Variants in LRRC40 observed in about 807,000 individuals in gnomAD.
LRRC40 encodes the protein leucine rich repeat containing 40, also known as leucine-rich repeat-containing protein 40.
Under a neutral mutation model 72.8 loss-of-function variants are expected in LRRC40, and 76 were observed. That is an observed-to-expected ratio of 1.04 (90% CI 0.87 to 1.26). LRRC40 has a LOEUF of 1.26. LRRC40 is among the 50% of genes most tolerant of loss of function. The pLI is 0.00. For missense variants in LRRC40, 684 were observed against 698.9 expected, an observed-to-expected ratio of 0.98 and a Z score of 0.24; for synonymous variants, 243 against 254.2, an observed-to-expected ratio of 0.96 and a Z score of 0.42.
rs1668039841 is a variant in LRRC40 at position 70,173,468 on chromosome 1, T to C, written c.1108A>G (p.Lys370Glu). 1.2e-6 allele frequency: 2 copies of C among 1,600,864 alleles called. No individual in the cohort carries two copies. Among genetic ancestry groups the C allele is most frequent in the Non-Finnish European group, 1.7e-6 (2 of 1,168,740 alleles). The stretch of plus-strand genomic sequence containing the variant: ...ATAAGAGAACATTTTAAAGTACCTT[T>C]GATCTTGCTTCGTAGATATTTTAGG... The part of the protein sequence containing the change: ...EVLKYLRSKI[K>E]DDGPSQSESA... The change falls in exon 9 of 15, where the codon AAA becomes GAA. Residue 370 changes from lysine (K) to glutamate (E), a missense_variant. Coordinates refer to ENST00000370952, the MANE Select transcript of LRRC40 (RefSeq NM_017768.5).
rs778519601 is a variant in LRRC40, at chr1:70,173,642, T to C, written c.1045A>G (p.Ile349Val). ...CTTACACTTATAATTTCTCTTCGAA[T>C]TGTTCTCAAAGGATTTCCTTCTAAT... ...LALEGNPLRTIRREIISKGTQ... is the reference protein window; with the variant it reads ...LALEGNPLRTVRREIISKGTQ... Residue 349 changes from isoleucine to valine, a missense_variant, in exon 8 of 15, where the codon ATT (isoleucine) becomes GTT (valine). Transcript: ENST00000370952. 25 of 1,573,288 alleles carry C rather than the reference T, an allele frequency of 1.6e-5. 1 individual carries two copies. The South Asian group carries it at 2.5e-4, about 16-fold the overall frequency.
At chr1:70,159,125 G>T (rs1667702990) in intron 10 of LRRC40, among the ~76,000 whole-genome samples, 1 of 151,560 alleles carries the variant, frequency 6.6e-6, no homozygotes, top group Admixed American at 6.6e-5. Flanking sequence ...TTACTGAAGG[G>T]TTTCTTTCTG....
At chr1:70,160,128 G>A (rs537597348) in intron 9 of LRRC40, among the ~76,000 whole-genome samples, 187 of 151,842 alleles carry the variant, frequency 1.2e-3, no homozygotes, top group African/African-American at 4.1e-3. Context: ...TGTTATTTTT[G>A]CAAAAAAGAC....
intron 9 of LRRC40, among the ~76,000 whole-genome samples, chr1:70,164,478 C>G (rs573007409): frequency 2.0e-5 from 3 of 152,308 alleles, no homozygotes; most frequent in Admixed American, 6.5e-5. Context: ...CCACAATTCT[C>G]AGTACTGTTG....
intron 1 of LRRC40, 28 bp from the exon 2 acceptor site, chr1:70,189,301 A>G (rs1409037984): frequency 7.8e-6 from 8 of 1,024,138 alleles, no homozygotes; most frequent in Non-Finnish European, 1.0e-5. Flanking sequence ...ACACCAGGAA[A>G]AAAAAAAAAA....
intron 7 of LRRC40, among the ~76,000 whole-genome samples, chr1:70,173,992 A>G (rs1325334198): frequency 6.6e-6 from 1 of 152,090 alleles, no homozygotes; most frequent in Non-Finnish European, 1.5e-5. Flanking sequence ...AATGTTAAAC[A>G]TAAATTTGAA....
intron 11 of LRRC40, 104 bp downstream of exon 11, chr1:70,155,585 T>A: frequency 2.2e-6 from 1 of 449,746 alleles, no homozygotes; most frequent in East Asian, 3.5e-5. Flanking sequence ...TTTTTACATA[T>A]AGTTTTAAAT....
intron 2 of LRRC40, among the ~76,000 whole-genome samples, chr1:70,187,893 A>AGAAGAGAAGAGAAGAGAAGT (rs1182036808): frequency 6.9e-5 from 10 of 145,476 alleles, no homozygotes; most frequent in Non-Finnish European, 9.3e-5. Flanking sequence ...AGAAGAGAAG[A>AGAAGAGAAGAGAAGAGAAGT]GAAGTCATGA....
chr1:70,162,258 C>G (rs1479916210), intron 9 of LRRC40, among the ~76,000 whole-genome samples: 1 of 151,906 alleles, frequency 6.6e-6, no homozygotes, highest in Non-Finnish European at 1.5e-5. Context: ...AGTATAACCC[C>G]TAAGGATGGA....
At position 70,181,175 on chromosome 1, in the gene LRRC40, G is replaced by C. The variant is rs776903136; in HGVS notation, c.572C>G (p.Ala191Gly). The change falls in exon 5 of 15, where the codon GCT becomes GGT. Residue 191 changes from alanine to glycine, a missense_variant. Physicochemically the swap from Ala to Gly is moderately conservative, Grantham distance 60 (BLOSUM62 0). Transcript: ENST00000370952. ...CAGACTGGACAGAGAAGAAAAACTA[G>C]CAGGAACAGTTGTAAGATGATTGTT... is the stretch of plus-strand genomic sequence containing the variant. ...LSNNHLTTVP[A>G]SFSSLSSLVR... The C allele has an allele frequency of 1.3e-6, 2 of 1,592,056 alleles. No individual in the cohort carries two copies. The highest frequency in any genetic ancestry group is 3.5e-5 in the Admixed American group (2 of 56,556).
chr1:70,145,780 G>A lies in LRRC40; in HGVS notation c.*20C>T, dbSNP rs1041921525. The A allele has an allele frequency of 7.8e-6, 10 of 1,281,612 alleles. No individual in the cohort carries two copies. Among genetic ancestry groups the A allele is most frequent in the Non-Finnish European group, 1.1e-5 (10 of 879,444 alleles). 79.4% of individuals were successfully genotyped at this position (1,281,612 alleles called of 1,614,324 possible). A position where few individuals can be genotyped will look rare whatever the true frequency, so the allele number is the denominator to read the frequency against. On this transcript the variant is annotated 3_prime_UTR_variant, in exon 15 of 15. Transcript: ENST00000370952. ...ACCAGGGTTAATAATACATGACAAG[G>A]GTTATAAAGCAACTCCATGTTAAGT... is the stretch of plus-strand genomic sequence containing the variant.
At position 70,145,893 on chromosome 1, in the gene LRRC40, C is replaced by T; in HGVS notation, c.1716G>A (p.Leu572=). 3 of 1,573,424 alleles carry T rather than the reference C, an allele frequency of 1.9e-6. No individual in the cohort carries two copies. The highest frequency in any genetic ancestry group is 2.6e-6 in the Non-Finnish European group (3 of 1,144,560). The change falls in exon 15 of 15, where the codon CTG becomes CTA. Residue 572 remains leucine (L), a synonymous_variant. Transcript: ENST00000370952. ...GNCVNLRTLL[L]DGNPFRVPRA... is the part of the protein sequence containing the mutation. ...GAGGAACTCGGAATGGATTTCCATC[C>T]AGTAGTAATGTTCTAAACAAAAGAG...
chr1:70,170,184 T>C (rs562485465), intron 9 of LRRC40, among the ~76,000 whole-genome samples: 18 of 151,930 alleles, frequency 1.2e-4, no homozygotes, highest in South Asian at 6.2e-4. Flanking sequence ...AGAAAAAAAA[T>C]TGACAAAAAC....
chr1:70,171,289 T>C (rs1157341533), intron 9 of LRRC40, among the ~76,000 whole-genome samples: 2 of 151,924 alleles, frequency 1.3e-5, no homozygotes, highest in Non-Finnish European at 2.9e-5. Flanking sequence ...ACCTAGGATT[T>C]TGTAAAGCTT....
chr1:70,195,598 G>C (rs936134242), intron 1 of LRRC40, among the ~76,000 whole-genome samples: 6 of 152,144 alleles, frequency 3.9e-5, no homozygotes, highest in Non-Finnish European at 8.8e-5. Flanking sequence ...TTGCTAGTGG[G>C]AAACAGTTTG....
intron 1 of LRRC40, 72 bp from the exon 2 acceptor site, chr1:70,189,345 G>C (rs1668441928): frequency 1.6e-6 from 2 of 1,237,206 alleles, no homozygotes; most frequent in Non-Finnish European, 2.2e-6. Context: ...TAGATACTAA[G>C]TGACATGCTT....
At chr1:70,161,319 C>T (rs1295512294) in intron 9 of LRRC40, among the ~76,000 whole-genome samples, 2 of 151,916 alleles carry the variant, frequency 1.3e-5, no homozygotes, top group Non-Finnish European at 2.9e-5. Context: ...CTCCTGATCT[C>T]GTGATCCGCC....
intron 7 of LRRC40, among the ~76,000 whole-genome samples, chr1:70,174,184 A>C (rs1668054159): frequency 6.6e-6 from 1 of 152,078 alleles, no homozygotes; most frequent in Non-Finnish European, 1.5e-5. Context: ...ACATTTTAAA[A>C]ACCATTCATA....
intron 5 of LRRC40, 79 bp from the exon 6 acceptor site, chr1:70,179,072 G>A (rs1232717890): frequency 1.3e-6 from 1 of 791,916 alleles, no homozygotes; most frequent in Non-Finnish European, 1.9e-6. Context: ...TAAAGAATGT[G>A]TAAGAAATCG....
Sources: allele counts gnomAD v4.1 joint callset (sites outside exome capture counted in the v4.1 genomes callset), GRCh38; gene constraint gnomAD v4.1.1; transcripts MANE v1.5; gene names NCBI Gene and HGNC (gene_info 2026-07-23, HGNC 2026-07-21).